CRYBG1: variants seen among roughly 807,000 people sequenced by gnomAD.
The protein encoded by CRYBG1 is crystallin beta-gamma domain containing 1, also known as beta/gamma crystallin domain-containing protein 1.
CRYBG1 carries 139 observed loss-of-function variants against 189.2 expected under a neutral mutation model. The ratio of observed to expected loss-of-function variants is 0.73; its 90% CI spans 0.64 to 0.85. CRYBG1 has a LOEUF of 0.85. CRYBG1 is among the 40% of genes least tolerant of loss of function. CRYBG1 has a pLI of 0.00. For synonymous variants in CRYBG1, 1,023 were observed against 1,017.1 expected, an observed-to-expected ratio of 1.01 and a Z score of -0.11; for missense variants, 2,611 against 2,675.8, an observed-to-expected ratio of 0.98 and a Z score of 0.53.
At chr6:106,397,133 G>A (rs1036535546) in intron 1 of CRYBG1, among the ~76,000 whole-genome samples, 17 of 152,248 alleles carry the variant, frequency 1.1e-4, no homozygotes, top group African/African-American at 2.9e-4. Context: ...CTTTACTAAC[G>A]TGTAATTGGC....
intron 13 of CRYBG1, among the ~76,000 whole-genome samples, chr6:106,549,189 G>A (rs1774342014): frequency 6.6e-6 from 1 of 152,058 alleles, no homozygotes; most frequent in Admixed American, 6.6e-5. Flanking sequence ...AGTGCTCCCT[G>A]CTCTGGCTTT....
intron 3 of CRYBG1, among the ~76,000 whole-genome samples, chr6:106,517,341 T>TAC (rs200196517): frequency 3.5e-5 from 5 of 141,018 alleles, no homozygotes; most frequent in Admixed American, 1.4e-4. Flanking sequence ...CATATATATA[T>TAC]ACACACACAT....
intron 1 of CRYBG1, among the ~76,000 whole-genome samples, chr6:106,379,023 T>A (rs1770233978): frequency 6.6e-6 from 1 of 151,950 alleles, no homozygotes; most frequent in African/African-American, 2.4e-5. Context: ...GGCAGGCGCC[T>A]GTAGTCCCAG....
At chr6:106,517,910 A>C (rs1773478249) in intron 3 of CRYBG1, among the ~76,000 whole-genome samples, 1 of 152,180 alleles carries the variant, frequency 6.6e-6, no homozygotes, top group Non-Finnish European at 1.5e-5. Context: ...ACTGGGGGTA[A>C]TTATACCCAA....
chr6:106,458,285 A>G (rs900926594), intron 2 of CRYBG1, among the ~76,000 whole-genome samples: 3 of 152,184 alleles, frequency 2.0e-5, no homozygotes, highest in African/African-American at 4.8e-5. Context: ...TTACTGGGCC[A>G]TTCTACTCTT....
chr6:106,373,300 C>T (rs190123528), intron 1 of CRYBG1, among the ~76,000 whole-genome samples: 114 of 152,272 alleles, frequency 7.5e-4, no homozygotes, highest in Middle Eastern at 3.4e-3. Flanking sequence ...ACCTGTTGCA[C>T]CTGATTTCCA....
intron 3 of CRYBG1, 110 bp downstream of exon 3, chr6:106,513,149 C>A: frequency 7.6e-7 from 1 of 1,308,220 alleles, no homozygotes; most frequent in South Asian, 1.5e-5. Flanking sequence ...GGTCACTGAA[C>A]TTTCCCCTCC....
chr6:106,443,700 A>G (rs1771605241), intron 1 of CRYBG1, among the ~76,000 whole-genome samples: 1 of 150,466 alleles, frequency 6.6e-6, no homozygotes, highest in Non-Finnish European at 1.5e-5. Context: ...TGTGCCTATA[A>G]CCACATAATT....
chr6:106,557,576 A>C (rs1347545045), intron 17 of CRYBG1, among the ~76,000 whole-genome samples: 2 of 151,240 alleles, frequency 1.3e-5, no homozygotes, highest in African/African-American at 4.9e-5. Flanking sequence ...ATGCCCGGCT[A>C]ATTTTTTTGT....
chr6:106,489,305 T>C (rs1339689849), intron 2 of CRYBG1, among the ~76,000 whole-genome samples: 1 of 152,032 alleles, frequency 6.6e-6, no homozygotes, highest in African/African-American at 2.4e-5. Flanking sequence ...TTTTGGTTTC[T>C]TTGGGTTAGG....
At chr6:106,375,425 A>AAG (rs374045932) in intron 1 of CRYBG1, among the ~76,000 whole-genome samples, 40,171 of 119,452 alleles carry the variant, frequency 0.34, 6,598 homozygotes, top group Non-Finnish European at 0.4. Flanking sequence ...AAGTAAGTAA[A>AAG]TAAATAAATA....
At chr6:106,406,254 G>A (rs1042788172) in intron 1 of CRYBG1, among the ~76,000 whole-genome samples, 3 of 152,044 alleles carry the variant, frequency 2.0e-5, no homozygotes, top group Non-Finnish European at 2.9e-5. Context: ...TAGCCGAATC[G>A]ATCAAGTGGA....
Position 106,521,023 on chromosome 6 carries a change from C to G in CRYBG1, c.3815C>G (p.Thr1272Ser), listed in dbSNP as rs1207239086. The change falls in exon 4 of 22, where the codon ACT (threonine) becomes AGT (serine). Residue 1272 changes from threonine (T) to serine (S), a missense_variant. Around this residue, in one of 3 missense-constraint regions of CRYBG1, gnomAD observed 1,622 missense variants for 1,735.0 expected, o/e 0.93. Transcript: ENST00000633556. The stretch of plus-strand genomic sequence containing the variant: ...AACACTATGACCACGGCTTTCAGTA[C>G]TTCTCAGAACGGTTCCCTATCTCAG... ...SVNTMTTAFS[T>S]SQNGSLSQSS... 6.2e-7 allele frequency: 1 copy of G among 1,614,168 alleles called. No homozygotes were observed. Among genetic ancestry groups the G allele is most frequent in the Non-Finnish European group, 8.5e-7 (1 of 1,180,022 alleles).
chr6:106,490,409 A>C (rs1208846885), intron 2 of CRYBG1, among the ~76,000 whole-genome samples: 2 of 152,232 alleles, frequency 1.3e-5, no homozygotes, highest in East Asian at 3.9e-4. Flanking sequence ...TCGAAACCTA[A>C]TAAAATAGAT....
chr6:106,369,465 C>T lies in CRYBG1; in HGVS notation c.173+8384C>T, dbSNP rs78180502. On this transcript the variant is annotated intron_variant, in intron 1 of 21. Transcript: ENST00000633556. ...TTTAGGTTTATTCCAAAGGTAATATCGACAGCTCAAATATGAGATTTGGCC... is the reference window on the plus strand; with the variant it reads ...TTTAGGTTTATTCCAAAGGTAATATTGACAGCTCAAATATGAGATTTGGCC... Among the ~76,000 whole-genome samples, 462 of 152,254 alleles carry T rather than the reference C, an allele frequency of 3.0e-3. 4 individuals are homozygous for T. Among genetic ancestry groups the T allele is most frequent in the African/African-American group, 0.011 (439 of 41,540 alleles).
intron 1 of CRYBG1, among the ~76,000 whole-genome samples, chr6:106,425,424 A>G (rs963368287): frequency 6.6e-6 from 1 of 152,158 alleles, no homozygotes; most frequent in Admixed American, 6.5e-5. Context: ...TTGACATTCT[A>G]TACTTGCAGT....
intron 1 of CRYBG1, among the ~76,000 whole-genome samples, chr6:106,393,738 C>T (rs1422116993): frequency 6.7e-6 from 1 of 149,170 alleles, no homozygotes; most frequent in Non-Finnish European, 1.5e-5. Context: ...TGCAGTGGCA[C>T]GATCTTGGCT....
chr6:106,519,038 T>G, intron 3 of CRYBG1, 93 bp from the exon 4 acceptor site: 1 of 1,305,328 alleles, frequency 7.7e-7, no homozygotes. Flanking sequence ...ATCAGGGAGA[T>G]GTTGGCTTTT....
In CRYBG1 at chr6:106,544,580, A is replaced by AT; in HGVS notation, c.5050dup (p.Tyr1684LeufsTer2). ...GTTCTTTATGTTGCAGTTGGGTTGC[A>AT]TATGAGAAACCTGGATTTACCGGTC... On this transcript the variant is annotated frameshift_variant, in exon 12 of 22. Coordinates refer to ENST00000633556, the MANE Select transcript of CRYBG1 (RefSeq NM_001371242.2). LOFTEE classifies it high-confidence loss of function. 1 of 1,613,790 alleles carries AT rather than the reference A, an allele frequency of 6.2e-7. No homozygotes were observed. The highest frequency in any genetic ancestry group is 8.5e-7 in the Non-Finnish European group (1 of 1,179,820).
Sources: gnomAD v4.1 joint callset for allele counts (sites outside exome capture counted in the v4.1 genomes callset) on GRCh38, gnomAD v4.1.1 for gene constraint, gnomAD v4.1.1 regional missense constraint, MANE v1.5 for transcripts, NCBI Gene and HGNC (gene_info 2026-07-23, HGNC 2026-07-21) for gene names.